Variants in EXOC6B observed in about 807,000 individuals in gnomAD.
The protein encoded by EXOC6B is exocyst complex component 6B.
EXOC6B carries 54 observed loss-of-function variants against 113.5 expected under a neutral mutation model. The ratio of observed to expected loss-of-function variants is 0.48; its 90% confidence interval spans 0.38 to 0.60. EXOC6B has a LOEUF of 0.60. Ranked by LOEUF, EXOC6B falls within the 20% of genes least tolerant of loss-of-function variation. The pLI, the probability that EXOC6B is intolerant of heterozygous loss-of-function variation, is 0.00. For missense variants in EXOC6B, 797 were observed against 977.5 expected (o/e 0.82, Z 2.46); for synonymous variants, 357 against 339.0 (o/e 1.05, Z -0.58).
intron 18 of EXOC6B, among the ~76,000 whole-genome samples, chr2:72,409,529 A>C (rs1199460476): frequency 2.6e-5 from 4 of 152,226 alleles, no homozygotes; most frequent in Non-Finnish European, 5.9e-5. Flanking sequence ...ATGGAATACT[A>C]TGCAGCCATA....
At chr2:72,454,256 C>G (rs997369483) in intron 18 of EXOC6B, among the ~76,000 whole-genome samples, 5 of 152,088 alleles carry the variant, frequency 3.3e-5, no homozygotes, top group Non-Finnish European at 5.9e-5. Flanking sequence ...ATAATCCTAG[C>G]ACTGCGGGAG....
intron 20 of EXOC6B, among the ~76,000 whole-genome samples, chr2:72,296,017 A>T (rs1686113729): frequency 6.6e-6 from 1 of 152,150 alleles, no homozygotes; most frequent in East Asian, 1.9e-4. Flanking sequence ...TGAAGAATTC[A>T]AGGACTAGAG....
chr2:72,770,304 C>T (rs1356310847), intron 1 of EXOC6B, among the ~76,000 whole-genome samples: 3 of 135,890 alleles, frequency 2.2e-5, no homozygotes, highest in African/African-American at 9.9e-5. Context: ...AACTAGTCAA[C>T]TATCTTATAC....
intron 20 of EXOC6B, among the ~76,000 whole-genome samples, chr2:72,216,457 A>G (rs1340313476): frequency 6.6e-6 from 1 of 152,166 alleles, no homozygotes; most frequent in Non-Finnish European, 1.5e-5. Flanking sequence ...GTTGGTGGGA[A>G]TGTAAATTAG....
At chr2:72,478,462 G>T (rs973615610) in intron 17 of EXOC6B, among the ~76,000 whole-genome samples, 3 of 152,208 alleles carry the variant, frequency 2.0e-5, no homozygotes, top group African/African-American at 7.2e-5. Flanking sequence ...TAATTGCCAT[G>T]TTTATATTGA....
chr2:72,767,655 C>G (rs376695420), intron 1 of EXOC6B, among the ~76,000 whole-genome samples: 1 of 149,370 alleles, frequency 6.7e-6, no homozygotes, highest in East Asian at 2.0e-4. Context: ...ACAAAAAATA[C>G]CAAAAAAGTT....
At chr2:72,338,615 C>T (rs766470070) in intron 19 of EXOC6B, among the ~76,000 whole-genome samples, 127 of 152,146 alleles carry the variant, frequency 8.3e-4, no homozygotes, top group Admixed American at 4.6e-4. Context: ...TTTTGTGACT[C>T]AGTATGCCCT....
At chr2:72,720,636 C>T (rs2104730912) in intron 5 of EXOC6B, among the ~76,000 whole-genome samples, 1 of 152,064 alleles carries the variant, frequency 6.6e-6, no homozygotes, top group South Asian at 2.1e-4. Flanking sequence ...ACCCGTAGTC[C>T]CAACTACTTG....
chr2:72,630,530 A>G (rs1386354775), intron 6 of EXOC6B, among the ~76,000 whole-genome samples: 1 of 152,118 alleles, frequency 6.6e-6, no homozygotes, highest in African/African-American at 2.4e-5. Context: ...ACCTGTCCTA[A>G]TAAAACCATT....
At chr2:72,271,658 T>C (rs925578404) in intron 20 of EXOC6B, among the ~76,000 whole-genome samples, 7 of 152,152 alleles carry the variant, frequency 4.6e-5, no homozygotes, top group African/African-American at 1.7e-4. Flanking sequence ...TAATGTAAAG[T>C]AGCCTGTTTA....
Position 72,448,632 on chromosome 2 carries a change from T to C in EXOC6B, c.1980+16528A>G, listed in dbSNP as rs550296010. ...AAATAACAAGTTATATGTTATTTTA[T>C]ATGAAAGTAGAGTATAAGAATTAGC... On this transcript the variant is annotated intron_variant, in intron 18 of 21. Coordinates refer to ENST00000272427, the MANE Select transcript of EXOC6B (RefSeq NM_015189.3). Among the ~76,000 whole-genome samples, 5 of 152,246 alleles carry C rather than the reference T, an allele frequency of 3.3e-5. No individual in the cohort carries two copies. The South Asian group carries it at 1.0e-3, about 32-fold the overall frequency.
chr2:72,406,568 G>A (rs1281264382), intron 18 of EXOC6B, among the ~76,000 whole-genome samples: 4 of 152,016 alleles, frequency 2.6e-5, no homozygotes, highest in African/African-American at 2.4e-5. Context: ...ACCGCTCAAC[G>A]ACATGGAAAC....
intron 17 of EXOC6B, among the ~76,000 whole-genome samples, chr2:72,465,996 T>C (rs1461570560): frequency 6.6e-6 from 1 of 152,148 alleles, no homozygotes; most frequent in African/African-American, 2.4e-5. Flanking sequence ...AAAATCATTC[T>C]AATTCAACAA....
chr2:72,634,721 T>C (rs1195040029), intron 6 of EXOC6B, among the ~76,000 whole-genome samples: 3 of 152,148 alleles, frequency 2.0e-5, no homozygotes, highest in Admixed American at 2.0e-4. Context: ...ATTCATAGAA[T>C]AAGGTTCAAA....
chr2:72,350,317 A>T (rs942885611), intron 19 of EXOC6B, among the ~76,000 whole-genome samples: 1 of 152,186 alleles, frequency 6.6e-6, no homozygotes, highest in Non-Finnish European at 1.5e-5. Flanking sequence ...TGCTTCATGG[A>T]ATTGTTCTAG....
intron 16 of EXOC6B, among the ~76,000 whole-genome samples, chr2:72,489,355 A>G (rs1699613004): frequency 1.3e-5 from 2 of 152,186 alleles, no homozygotes; most frequent in Admixed American, 6.5e-5. Flanking sequence ...GAGAGTACAT[A>G]TTTTAAAAAT....
At position 72,283,576 on chromosome 2, in the gene EXOC6B, G is replaced by T. The variant is rs1330623978; in HGVS notation, c.2196+51371C>A. 3.3e-5 allele frequency among the ~76,000 whole-genome samples: 5 copies of T among 152,168 alleles called. 1 individual carries two copies. In the East Asian group the frequency reaches 5.8e-4, roughly 18 times the overall value. On this transcript the variant is annotated intron_variant, in intron 20 of 21. Transcript: ENST00000272427. ...CCCAGCCATGGAGGAGTAGGGGGAGGGGCATGATTTTGTGAGTTTTAACTC... is the reference window on the plus strand; with the variant it reads ...CCCAGCCATGGAGGAGTAGGGGGAGTGGCATGATTTTGTGAGTTTTAACTC...
chr2:72,444,985 T>C (rs1696475566), intron 18 of EXOC6B, among the ~76,000 whole-genome samples: 1 of 152,226 alleles, frequency 6.6e-6, no homozygotes, highest in African/African-American at 2.4e-5. Context: ...TGGGATTTCC[T>C]ATTCTATTGC....
chr2:72,371,815 C>A (rs577426897), intron 19 of EXOC6B, among the ~76,000 whole-genome samples: 1 of 152,136 alleles, frequency 6.6e-6, no homozygotes, highest in South Asian at 2.1e-4. Flanking sequence ...CAACATAGTA[C>A]TGAAAGTCCT....
Sources: allele counts gnomAD v4.1 joint callset (sites outside exome capture counted in the v4.1 genomes callset), GRCh38; gene constraint gnomAD v4.1.1; transcripts MANE v1.5; gene names NCBI Gene and HGNC (gene_info 2026-07-23, HGNC 2026-07-21).